The following HTR2C variants were observed in gnomAD, a reference collection of about 807,000 sequenced individuals.
HTR2C encodes the protein 5-hydroxytryptamine receptor 2C.
HTR2C carries 5 observed loss-of-function variants against 21.0 expected under a neutral mutation model. The ratio of observed to expected loss-of-function variants is 0.24; its 90% CI spans 0.12 to 0.50. The LOEUF is 0.50. HTR2C is among the 20% of genes least tolerant of loss of function. The pLI is 0.98. For missense variants in HTR2C, 271 were observed against 371.2 expected (o/e 0.73, Z 2.22); for synonymous variants, 150 against 145.3 (o/e 1.03, Z -0.23).
intron 4 of HTR2C, chrX:114,775,521 G>A: frequency 2.0e-6 from 1 of 496,953 alleles, no homozygotes; most frequent in Non-Finnish European, 3.7e-6. Flanking sequence ...AGGAATGGTA[G>A]TACTATGCTT....
chrX:114,658,212 CTTT>C (rs1556409604), intron 2 of HTR2C, among the ~76,000 whole-genome samples: 1 of 111,379 alleles, frequency 9.0e-6, no homozygotes, highest in Non-Finnish European at 1.9e-5. Flanking sequence ...GAATTGATCA[CTTT>C]TATTATTGCA....
At chrX:114,780,909 A>G (rs781912448) in intron 4 of HTR2C, among the ~76,000 whole-genome samples, 5 of 111,736 alleles carry the variant, frequency 4.5e-5, no homozygotes, top group Admixed American at 9.6e-5. Flanking sequence ...GAAAAACTTC[A>G]GGCATTGTAT....
chrX:114,726,387 G>A (rs374047454), intron 2 of HTR2C, among the ~76,000 whole-genome samples: 144 of 112,115 alleles, frequency 1.3e-3, no homozygotes, highest in African/African-American at 2.4e-3. Context: ...CGCACGGTGC[G>A]TGCACCCACT....
intron 4 of HTR2C, among the ~76,000 whole-genome samples, chrX:114,802,683 A>ATTCTTTCT (rs57990660): frequency 0.22 from 14,903 of 66,645 alleles, 2,041 homozygotes; most frequent in South Asian, 0.27. Context: ...CTATGCTTAG[A>ATTCTTTCT]TTCTTTCTTT....
chrX:114,836,480 T>C lies in HTR2C; in HGVS notation c.350-11523T>C, dbSNP rs781807202. On this transcript the variant is annotated intron_variant, in intron 4 of 5. Coordinates refer to ENST00000276198, the MANE Select transcript of HTR2C (RefSeq NM_000868.4). ...AGTGACCCGATTTTCCAGGTGTGTC[T>C]GTCACCCCTTTCTTTGACTCAGAAA... 1.4e-3 allele frequency among the ~76,000 whole-genome samples: 161 copies of C among 112,342 alleles called. 2 individuals are homozygous for C. Among genetic ancestry groups the C allele is most frequent in the African/African-American group, 4.9e-3 (152 of 30,981 alleles).
chrX:114,896,082 A>C (rs1214974538), intron 5 of HTR2C, among the ~76,000 whole-genome samples: 5 of 111,212 alleles, frequency 4.5e-5, no homozygotes, highest in Non-Finnish European at 7.5e-5. Context: ...ACGTTTTTCC[A>C]ATTTTTCTTG....
intron 5 of HTR2C, among the ~76,000 whole-genome samples, chrX:114,853,228 AT>A (rs1292145038): frequency 1.0e-4 from 11 of 110,124 alleles, no homozygotes; most frequent in South Asian, 7.7e-4. Flanking sequence ...ATTTTTTCTG[AT>A]TTTTTTTCAT....
At chrX:114,798,421 C>G (rs782697693) in intron 4 of HTR2C, among the ~76,000 whole-genome samples, 1 of 111,495 alleles carries the variant, frequency 9.0e-6, no homozygotes, top group Admixed American at 9.6e-5. Context: ...GATAAATTCA[C>G]AGTGTTTGGG....
At chrX:114,820,851 C>T (rs1013646897) in intron 4 of HTR2C, among the ~76,000 whole-genome samples, 3 of 110,947 alleles carry the variant, frequency 2.7e-5, no homozygotes, top group Non-Finnish European at 5.7e-5. Context: ...AGCATGAAAA[C>T]GGCCTAACAC....
At chrX:114,875,772 A>T (rs1194821280) in intron 5 of HTR2C, among the ~76,000 whole-genome samples, 1 of 110,353 alleles carries the variant, frequency 9.1e-6, no homozygotes, top group Non-Finnish European at 1.9e-5. Context: ...TGTTTTTACA[A>T]TAGTACCATA....
intron 4 of HTR2C, among the ~76,000 whole-genome samples, chrX:114,751,572 G>C (rs1033640696): frequency 3.6e-5 from 4 of 111,752 alleles, no homozygotes; most frequent in Non-Finnish European, 5.6e-5. Flanking sequence ...GCTGTTTAAA[G>C]AAATGCTTCA....
intron 5 of HTR2C, among the ~76,000 whole-genome samples, chrX:114,853,170 A>G (rs1419233519): frequency 9.0e-6 from 1 of 111,692 alleles, no homozygotes; most frequent in Admixed American, 9.5e-5. Flanking sequence ...AATGTATGAA[A>G]ACCACTTCAG....
intron 2 of HTR2C, among the ~76,000 whole-genome samples, chrX:114,628,405 A>ATTTTTTTTTTTTTTTTTTTT (rs35975864): frequency 2.3e-5 from 1 of 43,910 alleles, no homozygotes; most frequent in Non-Finnish European, 3.7e-5. Context: ...TGCCAGGCTA[A>ATTTTTTTTTTTTTTTTTTTT]TTTTTTTTTT....
At chrX:114,630,354 T>C (rs782212372) in intron 2 of HTR2C, among the ~76,000 whole-genome samples, 2 of 112,058 alleles carry the variant, frequency 1.8e-5, no homozygotes, top group African/African-American at 6.5e-5. Context: ...AATGGTAATT[T>C]GAAAAAATAA....
intron 2 of HTR2C, among the ~76,000 whole-genome samples, chrX:114,625,597 T>C (rs1339855382): frequency 8.9e-6 from 1 of 112,205 alleles, no homozygotes; most frequent in Non-Finnish European, 1.9e-5. Flanking sequence ...ATGCTTCTTA[T>C]ACAGCCTGCA....
At chrX:114,598,897 A>G (rs896176646) in intron 1 of HTR2C, among the ~76,000 whole-genome samples, 11 of 111,245 alleles carry the variant, frequency 9.9e-5, no homozygotes, top group Non-Finnish European at 1.5e-4. Context: ...TGAACAAATT[A>G]AGACTTAGAG....
intron 2 of HTR2C, among the ~76,000 whole-genome samples, chrX:114,709,808 T>A (rs1209089453): frequency 1.8e-5 from 2 of 111,650 alleles, no homozygotes; most frequent in Non-Finnish European, 3.8e-5. Context: ...AGTTCCTTCT[T>A]TGAATATTTG....
intron 2 of HTR2C, among the ~76,000 whole-genome samples, chrX:114,618,092 A>G (rs1427440121): frequency 8.9e-6 from 1 of 112,175 alleles, no homozygotes. Flanking sequence ...TGAAGTCAAA[A>G]CACATGGAAT....
intron 4 of HTR2C, among the ~76,000 whole-genome samples, chrX:114,768,604 A>G (rs2069969061): frequency 9.0e-6 from 1 of 111,030 alleles, no homozygotes; most frequent in African/African-American, 3.3e-5. Flanking sequence ...TAAGTGGAAT[A>G]TGAAAATTAA....
Sources: gnomAD v4.1 joint callset for allele counts (sites outside exome capture counted in the v4.1 genomes callset) on GRCh38, gnomAD v4.1.1 for gene constraint, MANE v1.5 for transcripts, NCBI Gene and HGNC (gene_info 2026-07-23, HGNC 2026-07-21) for gene names.